MYH7: variants seen among roughly 807,000 people sequenced by gnomAD.
The protein encoded by MYH7 is myosin heavy chain 7.
In MYH7, 129 loss-of-function variants were observed where a neutral mutation model predicts 225.4. The observed-to-expected ratio is 0.57, with a 90% CI of 0.50 to 0.66. The LOEUF (loss-of-function observed/expected upper bound fraction) is 0.66, where lower values mean the gene tolerates loss of function less well. Ranked by LOEUF, MYH7 falls within the 30% of genes least tolerant of loss-of-function variation. The pLI is 0.00. For missense variants in MYH7, 1,649 were observed against 2,517.0 expected (o/e 0.66, Z 7.38); for synonymous variants, 971 against 1,007.6 (o/e 0.96, Z 0.69).
intron 6 of MYH7, 139 bp from the exon 7 acceptor site, chr14:23,432,008 C>T (rs1892967342): frequency 1.2e-6 from 1 of 856,312 alleles, no homozygotes; most frequent in Non-Finnish European, 1.9e-6. Context: ...ACCCAAAATC[C>T]ACAACTGTCT....
At position 23,422,315 on chromosome 14, in the gene MYH7, G is replaced by C. The variant is rs1159928168; in HGVS notation, c.3110C>G (p.Ser1037Cys). The C allele has an allele frequency of 6.2e-7, 1 of 1,614,170 alleles. No homozygotes were observed. Among genetic ancestry groups the C allele is most frequent in the Non-Finnish European group, 8.5e-7 (1 of 1,180,044 alleles). ...LEQQVDDLEGSLEQEKKVRMD... is the reference protein window; with the variant it reads ...LEQQVDDLEGCLEQEKKVRMD... ...GCGCACCTTCTTCTCTTGCTCCAGG[G>C]ATCCTTCCAGCTGGTAGAGAGAAGG... The change falls in exon 25 of 40, where the codon TCC (serine) becomes TGC (cysteine). Residue 1037 changes from serine (S) to cysteine (C), a missense_variant. By Grantham distance (112) the Ser-to-Cys change is moderately radical (BLOSUM62 -1). Coordinates refer to ENST00000355349, the MANE Select transcript of MYH7 (RefSeq NM_000257.4).
Position 23,415,836 on chromosome 14 carries a change from AG to A in MYH7, c.4954-5del. The A allele has an allele frequency of 1.2e-6, 2 of 1,614,160 alleles. No homozygotes were observed. Among genetic ancestry groups the A allele is most frequent in the Non-Finnish European group, 1.7e-6 (2 of 1,180,024 alleles). The stretch of plus-strand genomic sequence containing the variant: ...CGTCCAGCTGAATCTGGGTGTCCTG[AG>A]GATCAGGAGAGTGGGCATGAGCAGG... On this transcript the variant is annotated splice_region_variant and splice_polypyrimidine_tract_variant and intron_variant, in intron 34 of 39. Coordinates refer to ENST00000355349, the MANE Select transcript of MYH7 (RefSeq NM_000257.4). The surrounding 1 kb of genome is among the most constrained non-coding windows in gnomAD (Gnocchi z 6.3).
At chr14:23,428,773 C>G (rs963702588) in intron 14 of MYH7, 103 bp from the exon 15 acceptor site, 2 of 1,592,416 alleles carry the variant, frequency 1.3e-6, no homozygotes, top group Non-Finnish European at 1.7e-6. Flanking sequence ...CGTGGCTGGT[C>G]CCCTCCATGT....
rs1430614114 is a variant in MYH7, at chr14:23,425,401, C to T, written c.2304G>A (p.Gly768=). The stretch of plus-strand genomic sequence containing the variant: ...TCATTTCCTCCAGCAGCCCCAGCAG[C>T]CCGGCCTTGAAGAACACCTGCAGGC... The part of the protein sequence containing the change: ...FGHTKVFFKA[G]LLGLLEEMRD... Residue 768 remains glycine, a synonymous_variant, in exon 21 of 40, where the codon GGG becomes GGA. Coordinates refer to ENST00000355349, the MANE Select transcript of MYH7 (RefSeq NM_000257.4). The surrounding 1 kb of genome is among the most constrained non-coding windows in gnomAD (Gnocchi z 4.6). 2 of 1,614,196 alleles carry T rather than the reference C, an allele frequency of 1.2e-6. No individual in the cohort carries two copies. The highest frequency in any genetic ancestry group is 2.7e-5 in the African/African-American group (2 of 75,036).
At position 23,416,874 on chromosome 14, in the gene MYH7, C is replaced by G; in HGVS notation, c.4638G>C (p.Glu1546Asp). The G allele has an allele frequency of 1.9e-6, 3 of 1,614,200 alleles. No individual in the cohort carries two copies. Among genetic ancestry groups the G allele is most frequent in the Non-Finnish European group, 2.5e-6 (3 of 1,180,038 alleles). ...GCCCTGCACACACACACACCTCGGC[C>G]TCCTCCAGGGCTGACTGCAGCTCCA... ...EKMELQSALE[E>D]AEASLEHEEG... The change falls in exon 33 of 40, where the codon GAG becomes GAC. Residue 1546 changes from glutamate (E) to aspartate (D), a missense_variant. By Grantham distance (45) the Glu-to-Asp change is conservative. This residue lies in a region of MYH7 where 687 missense variants were observed against 913.8 expected (regional missense o/e 0.75). Transcript: ENST00000355349.
chr14:23,417,754 A>T, intron 30 of MYH7, 68 bp from the exon 31 acceptor site: 1 of 1,574,468 alleles, frequency 6.4e-7, no homozygotes. Context: ...AGGAAACAAC[A>T]TGAACCTTCT....
Position 23,424,156 on chromosome 14 carries a change from G to T in MYH7, c.2680-7C>A. The stretch of plus-strand genomic sequence containing the variant: ...CTGCCAGGTTGTCTTGTTCCTGAAG[G>T]TGAGGAACAGAGGGGAGGCTGTTCA... On this transcript the variant is annotated splice_region_variant and splice_polypyrimidine_tract_variant and intron_variant, in intron 22 of 39. Coordinates refer to ENST00000355349, the MANE Select transcript of MYH7 (RefSeq NM_000257.4). 1.9e-6 allele frequency: 3 copies of T among 1,614,124 alleles called. No homozygotes were observed. The South Asian group carries it at 3.3e-5, about 18-fold the overall frequency.
chr14:23,435,000 T>C (rs1246889314), intron 1 of MYH7, among the ~76,000 whole-genome samples: 1 of 150,988 alleles, frequency 6.6e-6, no homozygotes, highest in Non-Finnish European at 1.5e-5. Flanking sequence ...TCAGGATGTG[T>C]GCCACGTAAG....
chr14:23,435,063 A>AC (rs1893089110), intron 1 of MYH7, among the ~76,000 whole-genome samples: 1 of 151,658 alleles, frequency 6.6e-6, no homozygotes, highest in South Asian at 2.1e-4. Flanking sequence ...AACATCCTAC[A>AC]CCCCCGTGCC....
chr14:23,417,387 C>A (rs1892264229), intron 31 of MYH7, 69 bp from the exon 32 acceptor site: 1 of 1,611,736 alleles, frequency 6.2e-7, no homozygotes, highest in African/African-American at 1.3e-5. Flanking sequence ...TGTCTCAGGA[C>A]CTGCCTGGGC....
In MYH7 at chr14:23,422,352, G is replaced by A. The variant is rs781273399; in HGVS notation, c.3100-27C>T. The A allele has an allele frequency of 1.9e-6, 3 of 1,614,108 alleles. No homozygotes were observed. In the South Asian group the frequency reaches 3.3e-5, roughly 18 times the overall value. ...TGGTAGAGAGAAGGAGCCAGGCCCA[G>A]TGAGGCAAAGCATCCTGACTTGGTG... On this transcript the variant is annotated intron_variant, in intron 24 of 39. Coordinates refer to ENST00000355349, the MANE Select transcript of MYH7 (RefSeq NM_000257.4).
At chr14:23,429,181 C>A (rs1237639324) in intron 13 of MYH7, 48 bp downstream of exon 13, 1 of 1,613,756 alleles carries the variant, frequency 6.2e-7, no homozygotes, top group South Asian at 1.1e-5. Context: ...TCCCACCATG[C>A]CAGTCTCCCT....
rs1486269960 is a variant in MYH7 at position 23,420,251 on chromosome 14, G to C, written c.3337-17C>G. ...GATGCGTGCCTGGTCAGACACAAAG[G>C]GCTCAGACCCACCGCCTGGACCCCT... is the stretch of plus-strand genomic sequence containing the variant. On this transcript the variant is annotated splice_polypyrimidine_tract_variant and intron_variant, in intron 26 of 39. Transcript: ENST00000355349. 6.2e-7 allele frequency: 1 copy of C among 1,609,318 alleles called. No individual in the cohort carries two copies. The highest frequency in any genetic ancestry group is 8.5e-7 in the Non-Finnish European group (1 of 1,179,076).
At chr14:23,430,413 A>G (rs1892880821) in intron 11 of MYH7, 147 bp downstream of exon 11, 2 of 715,980 alleles carry the variant, frequency 2.8e-6, no homozygotes, top group Non-Finnish European at 5.1e-6. Context: ...TCCCCAGTAC[A>G]CCCTGATCAC....
chr14:23,424,110 G>C lies in MYH7; in HGVS notation c.2719C>G (p.Gln907Glu). 6.2e-7 allele frequency: 1 copy of C among 1,614,226 alleles called. No homozygotes were observed. The highest frequency in any genetic ancestry group is 8.5e-7 in the Non-Finnish European group (1 of 1,180,046). Reference protein sequence around the residue: ...NLADAEERCDQLIKNKIQLEA... With the variant: ...NLADAEERCDELIKNKIQLEA... ...AGCTGAATCTTGTTTTTGATCAGCTGATCACAGCGCTCCTCAGCATCTGCC... is the reference window on the plus strand; with the variant it reads ...AGCTGAATCTTGTTTTTGATCAGCTCATCACAGCGCTCCTCAGCATCTGCC... Residue 907 changes from glutamine (Q) to glutamate (E), a missense_variant, in exon 23 of 40, where the codon CAG becomes GAG. Gln to Glu is a conservative substitution (Grantham distance 29, BLOSUM62 2). This residue lies in a region of MYH7 where 282 missense variants were observed against 315.3 expected (regional missense o/e 0.89). Coordinates refer to ENST00000355349, the MANE Select transcript of MYH7 (RefSeq NM_000257.4).
chr14:23,430,794 T>C (rs1028769523), intron 10 of MYH7, 107 bp downstream of exon 10: 1 of 1,250,580 alleles, frequency 8.0e-7, no homozygotes, highest in Non-Finnish European at 1.2e-6. Context: ...CTGAATTGAA[T>C]CCAGCAGTGC....
In MYH7 at chr14:23,429,000, C is replaced by T. The variant is rs377333141; in HGVS notation, c.1362G>A (p.Gln454=). ...NATLETKQPR[Q]YFIGVLDIAG... ...CGATGTCCAGGACTCCTATGAAGTACTGGCGTGGCTGCTTGGTCTCCAGGG... is the reference window on the plus strand; with the variant it reads ...CGATGTCCAGGACTCCTATGAAGTATTGGCGTGGCTGCTTGGTCTCCAGGG... Residue 454 remains glutamine, a synonymous_variant, in exon 14 of 40, where the codon CAG becomes CAA. Coordinates refer to ENST00000355349, the MANE Select transcript of MYH7 (RefSeq NM_000257.4). 8 of 1,614,092 alleles carry T rather than the reference C, an allele frequency of 5.0e-6. No homozygotes were observed. The highest frequency in any genetic ancestry group is 1.6e-4 in the Middle Eastern group (1 of 6,084).
At chr14:23,416,816 C>G in intron 33 of MYH7, 52 bp downstream of exon 33, 1 of 1,612,816 alleles carries the variant, frequency 6.2e-7, no homozygotes. Flanking sequence ...GAACAGGGAC[C>G]AAAAGCCTGG....
Position 23,430,635 on chromosome 14 carries a change from G to T in MYH7, c.924C>A (p.Tyr308Ter). 6.2e-7 allele frequency: 1 copy of T among 1,614,080 alleles called. No individual in the cohort carries two copies. The highest frequency in any genetic ancestry group is 1.1e-5 in the South Asian group (1 of 91,074). The change falls in exon 11 of 40, where the codon TAC (tyrosine) becomes TAA (stop). Residue 308 changes from tyrosine to a stop codon, truncating the protein, a stop_gained. Coordinates refer to ENST00000355349, the MANE Select transcript of MYH7 (RefSeq NM_000257.4). LOFTEE classifies it high-confidence loss of function. ...CTCCTTGGGAGATGAATGCATAATC[G>T]TAGGGGTTGTTGGTGATCAGCAGCA... is the stretch of plus-strand genomic sequence containing the variant. ...LDMLLITNNP[Y>*]DYAFISQGET...
Sources: gnomAD v4.1 joint callset for allele counts (sites outside exome capture counted in the v4.1 genomes callset) on GRCh38, gnomAD v4.1.1 for gene constraint, gnomAD v4.1.1 regional missense constraint, Gnocchi (gnomAD v3.1) non-coding constraint, MANE v1.5 for transcripts, NCBI Gene and HGNC (gene_info 2026-07-23, HGNC 2026-07-21) for gene names.